Variants in UBA1 observed in about 807,000 individuals in gnomAD.
UBA1 encodes ubiquitin-like modifier-activating enzyme 1.
In UBA1, 4 loss-of-function variants were observed where a neutral mutation model predicts 84.7. That is an observed-to-expected ratio of 0.05 (90% CI 0.02 to 0.11). UBA1 has a LOEUF of 0.11. UBA1 is among the 10% of genes least tolerant of loss of function. The pLI is 1.00. For missense variants in UBA1, 513 were observed against 902.8 expected, an observed-to-expected ratio of 0.57 and a Z score of 5.53; for synonymous variants, 364 against 362.6, an observed-to-expected ratio of 1.00 and a Z score of -0.04.
chrX:47,214,969 C>G lies in UBA1; in HGVS notation c.*40C>G. The G allele has an allele frequency of 8.3e-7, 1 of 1,205,273 alleles. No individual in the cohort carries two copies. ...CTAGGCTGGCCCCTTGTCCACCCCT[C>G]TCCACACCCCTTCCAGCCCAGGGTT... On this transcript the variant is annotated 3_prime_UTR_variant, in exon 26 of 26. Coordinates refer to ENST00000335972, the MANE Select transcript of UBA1 (RefSeq NM_003334.4).
Position 47,214,531 on chromosome X carries a change from C to T in UBA1, c.2941-6C>T. ...CATGACCCTGCTGTTCCCCCTCCCT[C>T]TCCAGACAGAGCACAAATTAGAGAT... On this transcript the variant is annotated splice_region_variant and splice_polypyrimidine_tract_variant and intron_variant, in intron 24 of 25. Transcript: ENST00000335972. 1 of 1,210,225 alleles carries T rather than the reference C, an allele frequency of 8.3e-7. No individual in the cohort carries two copies. The highest frequency in any genetic ancestry group is 1.1e-6 in the Non-Finnish European group (1 of 894,158).
chrX:47,209,499 C>T, intron 16 of UBA1, 124 bp from the exon 17 acceptor site: 1 of 650,630 alleles, frequency 1.5e-6, no homozygotes, highest in Non-Finnish European at 2.5e-6. Context: ...TAGAGGGCTT[C>T]CCCACTTCCA....
Position 47,214,350 on chromosome X carries a change from G to A in UBA1, c.2862G>A (p.Leu954=). The change falls in exon 24 of 26, where the codon TTG becomes TTA. Residue 954 remains leucine, a synonymous_variant. Transcript: ENST00000335972. ...AGTACTATAACCAAGAGTGGACATT[G>A]TGGGATCGCTTTGAGGTACAAGGGC... ...RHQYYNQEWT[L]WDRFEVQGLQ... The A allele has an allele frequency of 8.3e-7, 1 of 1,211,266 alleles. No individual in the cohort carries two copies. Among genetic ancestry groups the A allele is most frequent in the East Asian group, 3.0e-5 (1 of 33,827 alleles).
intron 20 of UBA1, 102 bp downstream of exon 20, chrX:47,211,327 A>AC: frequency 1.0e-6 from 1 of 968,707 alleles, no homozygotes; most frequent in African/African-American, 1.9e-5. Context: ...CTGCTCTGTG[A>AC]CCCCAGGCCT....
intron 16 of UBA1, among the ~76,000 whole-genome samples, chrX:47,207,678 A>G (rs782009575): frequency 3.7e-5 from 4 of 107,440 alleles, no homozygotes; most frequent in Non-Finnish European, 7.8e-5. Flanking sequence ...TAGGGAAGGG[A>G]AAAAAAAAAC....
intron 20 of UBA1, among the ~76,000 whole-genome samples, chrX:47,211,815 C>T (rs782270951): frequency 9.1e-6 from 1 of 109,495 alleles, no homozygotes; most frequent in South Asian, 4.1e-4. Context: ...TTTCCCCTTC[C>T]ATGGTCCCCA....
At chrX:47,194,931 A>G (rs1936147931) in intron 1 of UBA1, among the ~76,000 whole-genome samples, 1 of 111,768 alleles carries the variant, frequency 8.9e-6, no homozygotes, top group Admixed American at 9.5e-5. Context: ...AACTGTTTGG[A>G]TACATAATCC....
Position 47,212,433 on chromosome X carries a change from G to A in UBA1, c.2474G>A (p.Arg825His), listed in dbSNP as rs781852793. The A allele has an allele frequency of 5.0e-6, 6 of 1,205,867 alleles. No individual in the cohort carries two copies. The highest frequency in any genetic ancestry group is 5.9e-5 in the East Asian group (2 of 33,816). The part of the protein sequence containing the change: ...QSANASVDDS[R>H]LEELKATLPS... Reference sequence around the variant, plus strand: ...CCCTTTCTTCATGCAGATGACAGTCGTCTAGAGGAGCTCAAAGCCACTCTG... The same window carrying A: ...CCCTTTCTTCATGCAGATGACAGTCATCTAGAGGAGCTCAAAGCCACTCTG... Residue 825 changes from arginine to histidine, a missense_variant, in exon 21 of 26, where the codon CGT becomes CAT. By Grantham distance (29) the Arg-to-His change is conservative. Around this residue, in one of 6 missense-constraint regions of UBA1, gnomAD observed 151 missense variants for 260.1 expected, o/e 0.58. Transcript: ENST00000335972.
chrX:47,204,751 C>T (rs1414603396), intron 14 of UBA1, among the ~76,000 whole-genome samples: 3 of 111,489 alleles, frequency 2.7e-5, no homozygotes, highest in African/African-American at 6.5e-5. Flanking sequence ...CACTTCTCTG[C>T]ACATATGGAA....
chrX:47,201,540 T>G lies in UBA1; in HGVS notation c.741T>G (p.Phe247Leu), dbSNP rs1556788006. The G allele has an allele frequency of 6.6e-6, 8 of 1,210,398 alleles. No homozygotes were observed. Among genetic ancestry groups the G allele is most frequent in the Non-Finnish European group, 7.8e-6 (7 of 895,318 alleles). Residue 247 changes from phenylalanine (F) to leucine (L), a missense_variant, in exon 8 of 26, where the codon TTT becomes TTG. Transcript: ENST00000335972. The stretch of plus-strand genomic sequence containing the variant: ...GACACGGGTTTGAGAGCGGGGACTT[T>G]GTCTCCTTTTCAGAAGTACAGGGCA... ...EARHGFESGD[F>L]VSFSEVQGMV...
chrX:47,197,641 T>C, intron 1 of UBA1: 1 of 752,862 alleles, frequency 1.3e-6, no homozygotes, highest in Non-Finnish European at 1.6e-6. Context: ...GTTCTGTCTC[T>C]GGGACCTAGC....
rs201456998 is a variant in UBA1 at position 47,211,173 on chromosome X, C to T, written c.2412C>T (p.Gly804=). The change falls in exon 20 of 26, where the codon GGC becomes GGT. Residue 804 remains glycine (G), a synonymous_variant. Coordinates refer to ENST00000335972, the MANE Select transcript of UBA1 (RefSeq NM_003334.4). ...VQVPEFTPKS[G]VKIHVSDQEL... ...TCCCCGAATTCACCCCCAAGTCTGG[C>T]GTCAAGATCCATGTTTCTGACCAGG... is the stretch of plus-strand genomic sequence containing the variant. 5.8e-6 allele frequency: 7 copies of T among 1,209,816 alleles called. No individual in the cohort carries two copies. The highest frequency in any genetic ancestry group is 3.5e-5 in the South Asian group (2 of 56,868).
At chrX:47,213,415 T>C (rs1937014738) in intron 23 of UBA1, among the ~76,000 whole-genome samples, 1 of 112,292 alleles carries the variant, frequency 8.9e-6, no homozygotes, top group South Asian at 3.6e-4. Context: ...GCAGCCAAAA[T>C]TTATTGGACG....
chrX:47,200,513 G>A (rs1052557222), intron 5 of UBA1, among the ~76,000 whole-genome samples: 1 of 111,769 alleles, frequency 8.9e-6, no homozygotes, highest in Non-Finnish European at 1.9e-5. Flanking sequence ...AGATCATGGC[G>A]GAGCAGGCGT....
chrX:47,202,410 C>T lies in UBA1; in HGVS notation c.962C>T (p.Ala321Val). 8.3e-7 allele frequency: 1 copy of T among 1,210,795 alleles called. No individual in the cohort carries two copies. The highest frequency in any genetic ancestry group is 2.2e-5 in the Admixed American group (1 of 45,996). ...AEPDFVVTDF[A>V]KFSRPAQLHI... is the part of the protein sequence containing the mutation. Reference sequence around the variant, plus strand: ...CCTGACTTTGTGGTGACGGACTTCGCCAAGTTTTCTCGCCCTGCCCAGCTG... The same window carrying T: ...CCTGACTTTGTGGTGACGGACTTCGTCAAGTTTTCTCGCCCTGCCCAGCTG... The change falls in exon 10 of 26, where the codon GCC (alanine) becomes GTC (valine). Residue 321 changes from alanine to valine, a missense_variant. Ala to Val is a moderately conservative substitution (Grantham distance 64, BLOSUM62 0). Transcript: ENST00000335972.
At chrX:47,191,862 A>G (rs1026970997), upstream of UBA1, 8 of 111,711 alleles carry the variant, frequency 7.2e-5, no homozygotes, top group Non-Finnish European at 1.5e-4. Context: ...ACCAGAGTTA[A>G]AACCTGGCGT....
chrX:47,202,195 C>T lies in UBA1; in HGVS notation c.851C>T (p.Ser284Phe), dbSNP rs1376020653. Reference protein sequence around the residue: ...TFSICDTSNFSDYIRGGIVSQ... With the variant: ...TFSICDTSNFFDYIRGGIVSQ... ...AGCATCTGTGACACCTCCAACTTCT[C>T]CGACTACATCCGTGGAGGCATCGTC... The change falls in exon 9 of 26, where the codon TCC (serine) becomes TTC (phenylalanine). Residue 284 changes from serine to phenylalanine, a missense_variant. This residue lies in a region of UBA1 where 227 missense variants were observed against 339.1 expected (regional missense o/e 0.67). Transcript: ENST00000335972. The T allele has an allele frequency of 8.3e-7, 1 of 1,208,782 alleles. No homozygotes were observed. The highest frequency in any genetic ancestry group is 1.8e-5 in the African/African-American group (1 of 57,108).
chrX:47,203,092 C>T, intron 12 of UBA1, 42 bp from the exon 13 acceptor site: 1 of 1,204,212 alleles, frequency 8.3e-7, no homozygotes. Context: ...GGGGACATTT[C>T]TGGGGAGGCC....
At chrX:47,198,087 G>C in intron 1 of UBA1, 1 of 907,852 alleles carries the variant, frequency 1.1e-6, no homozygotes, top group Non-Finnish European at 1.4e-6. Context: ...TTATTGGTCT[G>C]TGTCGGTTTT....
Sources: allele counts gnomAD v4.1 joint callset (sites outside exome capture counted in the v4.1 genomes callset), GRCh38; gene constraint gnomAD v4.1.1; regional missense constraint gnomAD v4.1.1; transcripts MANE v1.5; gene names NCBI Gene and HGNC (gene_info 2026-07-23, HGNC 2026-07-21).